Variants in CEP85L observed in about 807,000 individuals in gnomAD.
CEP85L encodes the protein centrosomal protein of 85 kDa-like.
Under a neutral mutation model 100.3 loss-of-function variants are expected in CEP85L, and 60 were observed. That is an observed-to-expected ratio of 0.60 (90% CI 0.49 to 0.74). CEP85L has a LOEUF of 0.74. Among genes scored for constraint, CEP85L ranks in the 30% least tolerant of loss-of-function variants. The pLI is 0.00. For missense variants in CEP85L, 973 were observed against 936.2 expected (o/e 1.04, Z -0.51); for synonymous variants, 319 against 322.7 (o/e 0.99, Z 0.12).
At chr6:118,624,022 C>G (rs1773622238) in intron 2 of CEP85L, among the ~76,000 whole-genome samples, 2 of 152,142 alleles carry the variant, frequency 1.3e-5, no homozygotes, top group Non-Finnish European at 2.9e-5. Flanking sequence ...TTGGACACCC[C>G]TTGAGGAACT....
intron 9 of CEP85L, 151 bp downstream of exon 9, chr6:118,480,245 C>A (rs574582323): frequency 6.1e-6 from 3 of 488,564 alleles, no homozygotes; most frequent in African/African-American, 6.1e-5. Context: ...TGCTATGGTC[C>A]TTTCAAATAA....
intron 5 of CEP85L, among the ~76,000 whole-genome samples, chr6:118,505,409 CAAAA>C (rs56893664): frequency 0.013 from 967 of 71,642 alleles, 8 homozygotes; most frequent in African/African-American, 0.051. Context: ...TCACTGTACT[CAAAA>C]AAAAAAAAAA....
intron 2 of CEP85L, among the ~76,000 whole-genome samples, chr6:118,606,072 G>A (rs1041648475): frequency 2.0e-5 from 3 of 149,156 alleles, no homozygotes; most frequent in South Asian, 2.1e-4. Flanking sequence ...TAATTTAGTC[G>A]ACTGAAAAGA....
intron 5 of CEP85L, chr6:118,502,239 T>C (rs1253366768): frequency 3.2e-6 from 2 of 621,454 alleles, no homozygotes; most frequent in South Asian, 3.8e-5. Context: ...TACCGCATTA[T>C]GACTCCACAT....
chr6:118,624,866 T>C (rs370729968), intron 2 of CEP85L, among the ~76,000 whole-genome samples: 2 of 152,226 alleles, frequency 1.3e-5, no homozygotes, highest in African/African-American at 4.8e-5. Flanking sequence ...TCCAAGTCCA[T>C]ATAAGAAACT....
At chr6:118,474,906 A>C (rs1773239545) in intron 10 of CEP85L, among the ~76,000 whole-genome samples, 1 of 152,232 alleles carries the variant, frequency 6.6e-6, no homozygotes, top group South Asian at 2.1e-4. Context: ...CCAGGGAAAA[A>C]CAGTGAGATA....
At chr6:118,622,649 G>C (rs187501624) in intron 2 of CEP85L, among the ~76,000 whole-genome samples, 28 of 152,372 alleles carry the variant, frequency 1.8e-4, no homozygotes, top group Non-Finnish European at 3.8e-4. Context: ...ACAGATAGCA[G>C]ATATGCTTAT....
rs534519898 is a variant in CEP85L, at chr6:118,479,426, T to C, written c.1914+445A>G. ...CAGGTACATAAAGGGCACTTGTTGC[T>C]CCCTTTGCTTGGAATGCTCTTCCCC... On this transcript the variant is annotated intron_variant, in intron 10 of 12. Coordinates refer to ENST00000368491, the MANE Select transcript of CEP85L (RefSeq NM_001042475.3). 2.0e-5 allele frequency among the ~76,000 whole-genome samples: 3 copies of C among 152,216 alleles called. No homozygotes were observed. The East Asian group carries it at 5.8e-4, about 29-fold the overall frequency.
In CEP85L at chr6:118,651,317, C is replaced by A. The variant is rs1174814686; in HGVS notation, c.-48G>T. 2 of 1,423,504 alleles carry A rather than the reference C, an allele frequency of 1.4e-6. No homozygotes were observed. Among genetic ancestry groups the A allele is most frequent in the Non-Finnish European group, 1.8e-6 (2 of 1,089,614 alleles). The allele number at this position is 1,423,504 out of a possible 1,614,324, so 88.2% of individuals were successfully genotyped here. A position where few individuals can be genotyped will look rare whatever the true frequency, so the allele number is the denominator to read the frequency against. On this transcript the variant is annotated 5_prime_UTR_variant, in exon 1 of 13. Transcript: ENST00000368491. ...GCCAGGGACGCCCGACTCCTCACGT[C>A]CGTCCTCCTGCTTCTTCGGCGGCGG...
At chr6:118,597,648 A>G (rs1781524299) in intron 2 of CEP85L, among the ~76,000 whole-genome samples, 1 of 152,238 alleles carries the variant, frequency 6.6e-6, no homozygotes, top group Non-Finnish European at 1.5e-5. Flanking sequence ...AAAGAATAAA[A>G]AGAAAAGACA....
intron 1 of CEP85L, among the ~76,000 whole-genome samples, chr6:118,707,981 CG>C (rs574826062): frequency 3.4e-5 from 1 of 29,718 alleles, no homozygotes; most frequent in Non-Finnish European, 7.6e-5. Context: ...GGGGGGGGGA[CG>C]GGGGGGAAAC....
At chr6:118,664,896 C>T (rs1265834416) in intron 1 of CEP85L, among the ~76,000 whole-genome samples, 4 of 152,116 alleles carry the variant, frequency 2.6e-5, no homozygotes, top group Non-Finnish European at 5.9e-5. Context: ...CTACTTGTCT[C>T]TCTTACCTTC....
intron 6 of CEP85L, among the ~76,000 whole-genome samples, chr6:118,485,985 T>C (rs1774152515): frequency 6.6e-6 from 1 of 152,218 alleles, no homozygotes; most frequent in African/African-American, 2.4e-5. Context: ...TGTCCTACTT[T>C]TCTTCTTTTT....
At chr6:118,531,462 C>T (rs1562235217) in intron 3 of CEP85L, among the ~76,000 whole-genome samples, 1 of 152,124 alleles carries the variant, frequency 6.6e-6, no homozygotes, top group South Asian at 2.1e-4. Context: ...GCAAAGATTT[C>T]ATGATGAAGA....
At chr6:118,511,722 G>A (rs1441690535) in intron 4 of CEP85L, among the ~76,000 whole-genome samples, 2 of 152,050 alleles carry the variant, frequency 1.3e-5, no homozygotes, top group Non-Finnish European at 2.9e-5. Context: ...AGCTTTTAAA[G>A]AATAATAAAG....
At position 118,606,144 on chromosome 6, in the gene CEP85L, T is replaced by A. The variant is rs374829268; in HGVS notation, c.232+26309A>T. On this transcript the variant is annotated intron_variant, in intron 2 of 12. Transcript: ENST00000368491. ...GAAAAAAATAAAGGCCTGTTAAATA[T>A]ATCTATAGCTTGTCTATCCATTTTT... is the stretch of plus-strand genomic sequence containing the variant. Among the ~76,000 whole-genome samples, 22 of 152,066 alleles carry A rather than the reference T, an allele frequency of 1.4e-4. No individual in the cohort carries two copies. In the South Asian group the frequency reaches 4.4e-3, roughly 30 times the overall value.
chr6:118,511,826 A>C (rs1472429622), intron 4 of CEP85L, among the ~76,000 whole-genome samples: 2 of 152,154 alleles, frequency 1.3e-5, no homozygotes, highest in Non-Finnish European at 2.9e-5. Context: ...GTTGCATCAA[A>C]AGACCTTGTT....
At chr6:118,651,974 G>A (rs6913012), upstream of CEP85L, 493,849 of 932,676 alleles carry the variant, frequency 0.53, 130,817 homozygotes, top group Non-Finnish European at 0.55. Context: ...GCCAGGGCGC[G>A]GCTGAGGGGG....
chr6:118,607,288 G>A (rs985033577), intron 2 of CEP85L, among the ~76,000 whole-genome samples: 19 of 152,170 alleles, frequency 1.2e-4, no homozygotes, highest in African/African-American at 4.6e-4. Flanking sequence ...AGGAAAAGTA[G>A]AGAAGGAAAG....
Sources: gnomAD v4.1 joint callset for allele counts (sites outside exome capture counted in the v4.1 genomes callset) on GRCh38, gnomAD v4.1.1 for gene constraint, MANE v1.5 for transcripts, NCBI Gene and HGNC (gene_info 2026-07-23, HGNC 2026-07-21) for gene names.